Variants in ANK1 observed in about 807,000 individuals in gnomAD.
ANK1 encodes the protein ankyrin-1.
Under a neutral mutation model 210.4 loss-of-function variants are expected in ANK1, and 51 were observed. That is an observed-to-expected ratio of 0.24 (90% confidence interval 0.19 to 0.31). ANK1 has a LOEUF of 0.31. Ranked by LOEUF, ANK1 falls within the 10% of genes least tolerant of loss-of-function variation. The pLI is 1.00. For synonymous variants in ANK1, 967 were observed against 1,025.9 expected, an observed-to-expected ratio of 0.94 and a Z score of 1.10; for missense variants, 2,051 against 2,504.4, an observed-to-expected ratio of 0.82 and a Z score of 3.86.
intron 1 of ANK1, among the ~76,000 whole-genome samples, chr8:41,815,027 G>A (rs1381432218): frequency 6.6e-6 from 1 of 152,050 alleles, no homozygotes; most frequent in Non-Finnish European, 1.5e-5. Context: ...AGATCAAAAA[G>A]ATTTAACTTT....
chr8:41,661,040 C>CT (rs903552526), intron 42 of ANK1: 844 of 263,686 alleles, frequency 3.2e-3, no homozygotes, highest in Middle Eastern at 5.7e-3. Context: ...TTCTTTCTGG[C>CT]TTTTTTTTTT....
At chr8:41,676,843 C>T (rs1814319445) in intron 37 of ANK1, among the ~76,000 whole-genome samples, 1 of 152,124 alleles carries the variant, frequency 6.6e-6, no homozygotes, top group Non-Finnish European at 1.5e-5. Context: ...TGTTAATTGT[C>T]TTTCTTCCCA....
rs538416198 is a variant in ANK1 at position 41,786,447 on chromosome 8, T to C, written c.27+11065A>G. On this transcript the variant is annotated intron_variant, in intron 1 of 42. Transcript: ENST00000289734. The stretch of plus-strand genomic sequence containing the variant: ...TGCAAACAAGTAAAGCAAAGATCTT[T>C]CAACAACACCTTCAGGCTGCCCCAG... 1.8e-3 allele frequency among the ~76,000 whole-genome samples: 272 copies of C among 152,338 alleles called. 1 individual carries two copies. The highest frequency in any genetic ancestry group is 6.3e-3 in the African/African-American group (262 of 41,580).
intron 2 of ANK1, among the ~76,000 whole-genome samples, chr8:41,743,853 A>G (rs1796340656): frequency 6.6e-6 from 1 of 152,158 alleles, no homozygotes; most frequent in South Asian, 2.1e-4. Flanking sequence ...TAGTTAGCAG[A>G]CTCATGTATG....
At chr8:41,713,310 C>T (rs59793548) in intron 16 of ANK1, among the ~76,000 whole-genome samples, 1,767 of 152,272 alleles carry the variant, frequency 0.012, 33 homozygotes, top group African/African-American at 0.041. Context: ...CCCTTCTCCC[C>T]GCTGGCCACC....
At chr8:41,700,303 C>G in intron 22 of ANK1, 1 of 1,073,126 alleles carries the variant, frequency 9.3e-7, no homozygotes, top group Non-Finnish European at 1.4e-6. Context: ...TAGCTGAGCT[C>G]CTGGCTCCAG....
rs1420024760 is a variant in ANK1, at chr8:41,704,841, G to A, written c.2098-369C>T. Among the ~76,000 whole-genome samples, 1 of 152,164 alleles carries A rather than the reference G, an allele frequency of 6.6e-6. No homozygotes were observed. ...AGGCAGAAAAGAGGAGGGAAACCTT[G>A]AGAGACCAGCATCACAGAATCCCAG... On this transcript the variant is annotated intron_variant, in intron 18 of 42. Coordinates refer to ENST00000289734, the MANE Select transcript of ANK1 (RefSeq NM_000037.4). The surrounding 1 kb of genome is among the most constrained non-coding windows in gnomAD (Gnocchi z 4.1).
At position 41,724,528 on chromosome 8, in the gene ANK1, CGCA is replaced by C; in HGVS notation, c.636_638del (p.Ile212_Ala213delinsMet). 6.3e-7 allele frequency: 1 copy of C among 1,599,732 alleles called. No individual in the cohort carries two copies. The highest frequency in any genetic ancestry group is 8.5e-7 in the Non-Finnish European group (1 of 1,173,064). On this transcript the variant is annotated inframe_deletion, in exon 7 of 43. Transcript: ENST00000289734. ...CCACGTTGAGGTTCTCGTAGTGAGC[CGCA>C]ATGTGCAGGGGCGTGAATCCCGTCT... is the stretch of plus-strand genomic sequence containing the variant.
chr8:41,665,742 T>G (rs1270210272), intron 39 of ANK1: 1 of 161,874 alleles, frequency 6.2e-6, no homozygotes, highest in Non-Finnish European at 1.3e-5. Context: ...CCAGCACAGG[T>G]GGTGGGGCCA....
In ANK1 at chr8:41,663,098, G is replaced by C. The variant is rs202082982; in HGVS notation, c.5478+561C>G. Among the ~76,000 whole-genome samples the C allele has an allele frequency of 6.0e-3, 877 of 145,148 alleles. 3 individuals are homozygous for C. Among genetic ancestry groups the C allele is most frequent in the South Asian group, 0.025 (110 of 4,488 alleles). ...CCTGGCTAATTTTGTGTGTGTGTGT[G>C]TCTCTCTCTCTCTCTCTGTGTGTGT... On this transcript the variant is annotated intron_variant, in intron 40 of 42. Transcript: ENST00000289734.
intron 1 of ANK1, among the ~76,000 whole-genome samples, chr8:41,845,448 C>T (rs1000169170): frequency 6.6e-6 from 1 of 151,784 alleles, no homozygotes; most frequent in East Asian, 1.9e-4. Context: ...GCGATTTCTG[C>T]TTGTATTCTC....
At chr8:41,723,785 ATT>A in intron 7 of ANK1, 152 bp from the exon 8 acceptor site, 3 of 468,970 alleles carry the variant, frequency 6.4e-6, no homozygotes, top group Admixed American at 7.8e-5. Context: ...ATTTTTTTTT[ATT>A]TTTTATTTTT....
intron 1 of ANK1, among the ~76,000 whole-genome samples, chr8:41,812,162 T>C (rs1182016449): frequency 6.6e-6 from 1 of 152,240 alleles, no homozygotes; most frequent in Non-Finnish European, 1.5e-5. Context: ...GTTATCATCA[T>C]CCAACCCAAA....
intron 23 of ANK1, among the ~76,000 whole-genome samples, chr8:41,698,613 C>T (rs1363406887): frequency 1.3e-5 from 2 of 152,122 alleles, no homozygotes; most frequent in Non-Finnish European, 2.9e-5. Context: ...TGCAAAATGT[C>T]CCTGTGTACA....
intron 33 of ANK1, 134 bp downstream of exon 33, chr8:41,690,093 C>T (rs771593970): frequency 3.3e-5 from 47 of 1,428,222 alleles, no homozygotes; most frequent in Non-Finnish European, 4.1e-5. Context: ...AGCTCAGCAC[C>T]TTTGCATGCC....
At chr8:41,856,020 C>T (rs747734612) in intron 1 of ANK1, among the ~76,000 whole-genome samples, 16 of 152,124 alleles carry the variant, frequency 1.1e-4, no homozygotes, top group Admixed American at 1.3e-4. Flanking sequence ...GTCAACAAGC[C>T]GGGACAAAGT....
intron 1 of ANK1, among the ~76,000 whole-genome samples, chr8:41,890,032 A>G (rs1440975016): frequency 1.3e-5 from 2 of 152,230 alleles, no homozygotes; most frequent in Non-Finnish European, 2.9e-5. Flanking sequence ...TCCCCGGCAA[A>G]CCTCAAGACT....
intron 1 of ANK1, among the ~76,000 whole-genome samples, chr8:41,885,786 A>G (rs1563965014): frequency 6.6e-6 from 1 of 152,244 alleles, no homozygotes; most frequent in Admixed American, 6.5e-5. Context: ...AGGAGAATCT[A>G]GTGTCTCCAT....
chr8:41,691,253 A>G (rs1274712230), intron 31 of ANK1, among the ~76,000 whole-genome samples: 1 of 152,184 alleles, frequency 6.6e-6, no homozygotes. Context: ...TTCTGTTTTT[A>G]TGTCTGTCCA....
Sources: gnomAD v4.1 joint callset for allele counts (sites outside exome capture counted in the v4.1 genomes callset) on GRCh38, gnomAD v4.1.1 for gene constraint, Gnocchi (gnomAD v3.1) non-coding constraint, MANE v1.5 for transcripts, NCBI Gene and HGNC (gene_info 2026-07-23, HGNC 2026-07-21) for gene names.